The following CDH13 variants were observed in gnomAD, a reference collection of about 807,000 sequenced individuals.
CDH13 encodes cadherin 13.
CDH13 carries 24 observed loss-of-function variants against 63.8 expected under a neutral mutation model. The ratio of observed to expected loss-of-function variants is 0.38; its 90% CI spans 0.27 to 0.53. The LOEUF (loss-of-function observed/expected upper bound fraction) is 0.53, where lower values mean the gene tolerates loss of function less well. Ranked by LOEUF, CDH13 falls within the 20% of genes least tolerant of loss-of-function variation. The pLI is 0.85. For synonymous variants in CDH13, 503 were observed against 355.3 expected, an observed-to-expected ratio of 1.42 and a Z score of -4.67; for missense variants, 1,049 against 903.1, an observed-to-expected ratio of 1.16 and a Z score of -2.07.
intron 1 of CDH13, among the ~76,000 whole-genome samples, chr16:82,847,987 C>G (rs1195218099): frequency 2.0e-5 from 3 of 150,398 alleles, no homozygotes; most frequent in East Asian, 2.0e-4. Context: ...AGAGATGAAT[C>G]TCTAAATTTA....
At chr16:83,096,185 A>T (rs2034183860) in intron 3 of CDH13, among the ~76,000 whole-genome samples, 1 of 152,332 alleles carries the variant, frequency 6.6e-6, no homozygotes, top group South Asian at 2.1e-4. Context: ...GTACCAGGCT[A>T]TGTGTGGACT....
rs560909542 is a variant in CDH13 at position 82,969,212 on chromosome 16, C to T, written c.158-62798C>T. On this transcript the variant is annotated intron_variant, in intron 2 of 13. Transcript: ENST00000567109. Reference sequence around the variant, plus strand: ...GGCCAGCAAACTTTCCTGCAAAGGGCCAGGTAGGCTTTGTAGGTGATATAG... The same window carrying T: ...GGCCAGCAAACTTTCCTGCAAAGGGTCAGGTAGGCTTTGTAGGTGATATAG... Among the ~76,000 whole-genome samples, 3 of 152,162 alleles carry T rather than the reference C, an allele frequency of 2.0e-5. No individual in the cohort carries two copies. The South Asian group carries it at 6.2e-4, about 32-fold the overall frequency.
intron 3 of CDH13, among the ~76,000 whole-genome samples, chr16:83,070,536 TAAAA>T (rs563497254): frequency 6.6e-6 from 1 of 152,142 alleles, no homozygotes; most frequent in African/African-American, 2.4e-5. Context: ...GGTGCAGTAT[TAAAA>T]AAACTATCTT....
In CDH13 at chr16:82,812,613, G is replaced by A. The variant is rs528339323; in HGVS notation, c.46-45749G>A. Among the ~76,000 whole-genome samples the A allele has an allele frequency of 4.1e-3, 619 of 152,240 alleles. 3 individuals carry two copies. Among genetic ancestry groups the A allele is most frequent in the Non-Finnish European group, 7.2e-3 (487 of 67,994 alleles). On this transcript the variant is annotated intron_variant, in intron 1 of 13. Coordinates refer to ENST00000567109, the MANE Select transcript of CDH13 (RefSeq NM_001257.5). ...CCCTGCATCTAGTGACACGGAGGGT[G>A]TTAATTTTACACAGGCTGTGTTGGT...
chr16:83,765,008 T>A (rs949096398), intron 11 of CDH13, among the ~76,000 whole-genome samples: 33 of 152,224 alleles, frequency 2.2e-4, no homozygotes, highest in African/African-American at 8.0e-4. Context: ...TTCTCATTTC[T>A]AGCACACTCA....
chr16:83,259,714 T>C (rs1219903625), intron 5 of CDH13, among the ~76,000 whole-genome samples: 3 of 152,142 alleles, frequency 2.0e-5, no homozygotes, highest in African/African-American at 7.2e-5. Flanking sequence ...GTTACATAGG[T>C]ATACGTGATT....
rs1345806196 is a variant in CDH13, at chr16:83,221,386, A to G, written c.636+3889A>G. Among the ~76,000 whole-genome samples the G allele has an allele frequency of 2.0e-5, 3 of 152,318 alleles. No homozygotes were observed. The South Asian group carries it at 6.2e-4, about 32-fold the overall frequency. On this transcript the variant is annotated intron_variant, in intron 5 of 13. Transcript: ENST00000567109. ...GGCAAAATAATTTATCTCTTGCAGT[A>G]TTGGAAGCTGACATACTAATGCAAA...
intron 5 of CDH13, among the ~76,000 whole-genome samples, chr16:83,311,576 T>A (rs2090001654): frequency 1.3e-5 from 2 of 152,184 alleles, no homozygotes; most frequent in African/African-American, 4.8e-5. Flanking sequence ...TTACAGAGTT[T>A]AAAACTGAGT....
Position 82,978,572 on chromosome 16 carries a change from T to C in CDH13, c.158-53438T>C, listed in dbSNP as rs567323962. ...AGAGGCCAAGGTACAGCTCAGGTTG[T>C]GGCTTCGGTGGGTGCAAGCCCCAAG... is the stretch of plus-strand genomic sequence containing the variant. On this transcript the variant is annotated intron_variant, in intron 2 of 13. Transcript: ENST00000567109. Among the ~76,000 whole-genome samples the C allele has an allele frequency of 5.9e-5, 9 of 152,360 alleles. No homozygotes were observed. The South Asian group carries it at 1.7e-3, about 28-fold the overall frequency.
At chr16:83,650,959 A>G (rs920770948) in intron 8 of CDH13, among the ~76,000 whole-genome samples, 1 of 151,468 alleles carries the variant, frequency 6.6e-6, no homozygotes, top group African/African-American at 2.4e-5. Context: ...ATATATATAT[A>G]GTGTGGTGTC....
intron 2 of CDH13, among the ~76,000 whole-genome samples, chr16:82,876,633 T>C (rs1432503636): frequency 6.6e-6 from 1 of 152,186 alleles, no homozygotes; most frequent in Non-Finnish European, 1.5e-5. Flanking sequence ...GGACCACACA[T>C]TTAGTGTTAA....
intron 6 of CDH13, among the ~76,000 whole-genome samples, chr16:83,472,778 A>G: frequency 6.6e-6 from 1 of 152,056 alleles, no homozygotes; most frequent in East Asian, 1.9e-4. Context: ...ACTGGATCGA[A>G]TCTCCTTTTG....
intron 3 of CDH13, among the ~76,000 whole-genome samples, chr16:83,087,632 C>T (rs1361420796): frequency 7.6e-6 from 1 of 131,404 alleles, no homozygotes; most frequent in African/African-American, 2.9e-5. Context: ...CGTGTCATTG[C>T]ACTCCAGCCC....
chr16:83,190,785 C>A (rs1428861782), intron 4 of CDH13, among the ~76,000 whole-genome samples: 5 of 152,172 alleles, frequency 3.3e-5, no homozygotes, highest in African/African-American at 1.2e-4. Flanking sequence ...AAATATTTTT[C>A]TCACTGTGGT....
chr16:83,031,930 C>T (rs534685566), intron 2 of CDH13, 80 bp from the exon 3 acceptor site: 8 of 1,120,538 alleles, frequency 7.1e-6, no homozygotes, highest in African/African-American at 1.6e-5. Context: ...TGGTAATTCA[C>T]ACTTAATAGG....
At chr16:83,590,063 A>G (rs1906582809) in intron 7 of CDH13, among the ~76,000 whole-genome samples, 1 of 152,180 alleles carries the variant, frequency 6.6e-6, no homozygotes, top group Non-Finnish European at 1.5e-5. Flanking sequence ...TACAGAATAT[A>G]ACACTGAGTG....
At chr16:82,847,052 C>G (rs904282907) in intron 1 of CDH13, among the ~76,000 whole-genome samples, 1 of 152,142 alleles carries the variant, frequency 6.6e-6, no homozygotes, top group East Asian at 1.9e-4. Flanking sequence ...CCTTCCCCAC[C>G]TCGCCTTCAA....
At chr16:83,064,319 A>G (rs1467437928) in intron 3 of CDH13, among the ~76,000 whole-genome samples, 1 of 151,832 alleles carries the variant, frequency 6.6e-6, no homozygotes, top group Non-Finnish European at 1.5e-5. Context: ...CAGTGAGCTG[A>G]GATGGTGCCA....
At chr16:83,578,648 C>T (rs1905257553) in intron 7 of CDH13, among the ~76,000 whole-genome samples, 1 of 152,152 alleles carries the variant, frequency 6.6e-6, no homozygotes, top group Non-Finnish European at 1.5e-5. Context: ...ATACTGCATG[C>T]CCAGCAGTGC....
Sources: allele counts gnomAD v4.1 joint callset (sites outside exome capture counted in the v4.1 genomes callset), GRCh38; gene constraint gnomAD v4.1.1; transcripts MANE v1.5; gene names NCBI Gene and HGNC (gene_info 2026-07-23, HGNC 2026-07-21).